The following COL24A1 variants were observed in gnomAD, a reference collection of about 807,000 sequenced individuals.
COL24A1 encodes collagen alpha-1(XXIV) chain.
COL24A1 carries 224 observed loss-of-function variants against 253.9 expected under a neutral mutation model. That is an observed-to-expected ratio of 0.88 (90% CI 0.79 to 0.99). COL24A1 has a LOEUF of 0.99. COL24A1 is among the 50% of genes least tolerant of loss of function. The pLI is 0.00. For synonymous variants in COL24A1, 685 were observed against 673.7 expected (o/e 1.02, Z -0.26); for missense variants, 2,131 against 2,068.5 (o/e 1.03, Z -0.59).
At chr1:85,762,192 A>G (rs551649588) in intron 53 of COL24A1, among the ~76,000 whole-genome samples, 3 of 152,336 alleles carry the variant, frequency 2.0e-5, no homozygotes, top group East Asian at 1.9e-4. Context: ...AAAGTAACTT[A>G]GATGTTCAGC....
rs190053713 is a variant in COL24A1 at position 85,812,355 on chromosome 1, A to G, written c.3951+4433T>C. On this transcript the variant is annotated intron_variant, in intron 47 of 59. Coordinates refer to ENST00000370571, the MANE Select transcript of COL24A1 (RefSeq NM_152890.7). ...CCCTTTACCAGTTAATGGAGGAGGA[A>G]AAACCTCAGGCCTGATTTTTGGATA... 2.9e-3 allele frequency among the ~76,000 whole-genome samples: 444 copies of G among 152,338 alleles called. 2 individuals carry two copies. The highest frequency in any genetic ancestry group is 4.1e-3 in the Non-Finnish European group (277 of 68,026).
chr1:85,746,246 C>T (rs1665202507), intron 55 of COL24A1, among the ~76,000 whole-genome samples: 1 of 152,092 alleles, frequency 6.6e-6, no homozygotes, highest in Non-Finnish European at 1.5e-5. Context: ...CATCTTTTTA[C>T]TTGAAGGCTG....
rs149874723 is a variant in COL24A1 at position 86,024,314 on chromosome 1, G to A, written c.2050-1307C>T. On this transcript the variant is annotated intron_variant, in intron 14 of 59. Transcript: ENST00000370571. ...CCTAGTCTGTGCATTTTGTGACAGC[G>A]GAAACACGTTTCATTCATTTTTTTT... Among the ~76,000 whole-genome samples, 155 of 151,984 alleles carry A rather than the reference G, an allele frequency of 1.0e-3. 1 individual carries two copies. Among genetic ancestry groups the A allele is most frequent in the African/African-American group, 3.6e-3 (149 of 41,462 alleles).
chr1:85,886,134 C>T (rs1682471415), intron 32 of COL24A1, among the ~76,000 whole-genome samples: 1 of 151,690 alleles, frequency 6.6e-6, no homozygotes, highest in African/African-American at 2.4e-5. Context: ...GCGATCTTGG[C>T]TTGCCTCCTG....
At chr1:85,908,323 A>C (rs1685036920) in intron 27 of COL24A1, among the ~76,000 whole-genome samples, 1 of 151,718 alleles carries the variant, frequency 6.6e-6, no homozygotes, top group Non-Finnish European at 1.5e-5. Flanking sequence ...AATCTTAATA[A>C]TCCTGTTTCC....
chr1:85,890,409 TTTC>T (rs1682991276), intron 31 of COL24A1, among the ~76,000 whole-genome samples: 1 of 46,034 alleles, frequency 2.2e-5, no homozygotes, highest in African/African-American at 1.0e-4. Flanking sequence ...CCACACAAAT[TTTC>T]TTTTTTTTTT....
In COL24A1 at chr1:86,156,338, T is replaced by TA. The variant is rs1653611226; in HGVS notation, c.56+2dup. 4 of 1,612,704 alleles carry TA rather than the reference T, an allele frequency of 2.5e-6. No homozygotes were observed. Among genetic ancestry groups the TA allele is most frequent in the African/African-American group, 1.3e-5 (1 of 74,948 alleles). ...TACCCTACCCGGCGGGTGGGCTACT[T>TA]ACGTTTTTGCCGTGGGGGAGACTTT... On this transcript the variant is annotated splice_region_variant and intron_variant, in intron 1 of 59. Coordinates refer to ENST00000370571, the MANE Select transcript of COL24A1 (RefSeq NM_152890.7).
chr1:85,993,411 CA>C (rs1694477279), intron 19 of COL24A1, among the ~76,000 whole-genome samples: 1 of 148,758 alleles, frequency 6.7e-6, no homozygotes. Flanking sequence ...AGACGAATCT[CA>C]AATGTCTTAT....
At chr1:85,829,082 T>C (rs948031221) in intron 43 of COL24A1, among the ~76,000 whole-genome samples, 8 of 151,894 alleles carry the variant, frequency 5.3e-5, no homozygotes, top group South Asian at 4.2e-4. Context: ...TTTCCATGTT[T>C]AGCGCTTCCT....
intron 24 of COL24A1, among the ~76,000 whole-genome samples, chr1:85,926,574 A>G (rs1310697214): frequency 6.6e-6 from 1 of 152,040 alleles, no homozygotes; most frequent in East Asian, 1.9e-4. Context: ...AGGACATAAG[A>G]CCAAACACTG....
chr1:85,885,390 T>C (rs1257159325), intron 32 of COL24A1, among the ~76,000 whole-genome samples: 2 of 90,906 alleles, frequency 2.2e-5, no homozygotes, highest in East Asian at 3.5e-4. Flanking sequence ...TATATATATA[T>C]ATATATATTT....
At chr1:86,016,665 T>C (rs191373020) in intron 19 of COL24A1, among the ~76,000 whole-genome samples, 114 of 152,326 alleles carry the variant, frequency 7.5e-4, no homozygotes, top group African/African-American at 2.7e-3. Flanking sequence ...ATATAGACTT[T>C]TAGAAAAGAA....
rs543784282 is a variant in COL24A1 at position 85,782,649 on chromosome 1, C to T, written c.4284+847G>A. 5.3e-5 allele frequency among the ~76,000 whole-genome samples: 8 copies of T among 152,210 alleles called. No individual in the cohort carries two copies. The South Asian group carries it at 8.3e-4, about 16-fold the overall frequency. On this transcript the variant is annotated intron_variant, in intron 51 of 59. Transcript: ENST00000370571. ...CAATTTATTGTAAGAGTTAGGAAAGCGGTATAGGATTTTAGAAGTTTGACT... is the reference window on the plus strand; with the variant it reads ...CAATTTATTGTAAGAGTTAGGAAAGTGGTATAGGATTTTAGAAGTTTGACT...
At chr1:85,960,911 A>AAAT (rs2100672437) in intron 24 of COL24A1, 1 of 175,976 alleles carries the variant, frequency 5.7e-6, no homozygotes, top group East Asian at 1.6e-4. Flanking sequence ...ATAAATAAAT[A>AAAT]AATAAATAAA....
chr1:86,106,152 A>G (rs558002654), intron 5 of COL24A1, among the ~76,000 whole-genome samples: 18 of 152,178 alleles, frequency 1.2e-4, no homozygotes, highest in Non-Finnish European at 2.1e-4. Flanking sequence ...GTGGGTAAGC[A>G]TCTATACTTA....
chr1:85,860,181 T>C lies in COL24A1; in HGVS notation c.3300+8338A>G, dbSNP rs573862275. ...ATTTACATATGTGATAGTTACATGA[T>C]ACTATATACTCATACATGATATCCA... On this transcript the variant is annotated intron_variant, in intron 37 of 59. Transcript: ENST00000370571. Among the ~76,000 whole-genome samples, 8 of 152,344 alleles carry C rather than the reference T, an allele frequency of 5.3e-5. No homozygotes were observed. In the East Asian group the frequency reaches 5.8e-4, roughly 11 times the overall value.
In COL24A1 at chr1:85,895,300, C is replaced by T. The variant is rs374583275; in HGVS notation, c.2922+558G>A. ...TTATAAAATATTAACAACTCTTAAG[C>T]AGTGCCATGGGAAGGCATGAAGACA... On this transcript the variant is annotated intron_variant, in intron 31 of 59. Transcript: ENST00000370571. 2.1e-3 allele frequency among the ~76,000 whole-genome samples: 327 copies of T among 152,158 alleles called. 10 individuals are homozygous for T. In the South Asian group the frequency reaches 0.052, roughly 24 times the overall value.
chr1:86,081,344 G>T (rs1237867758), intron 7 of COL24A1, among the ~76,000 whole-genome samples: 2 of 151,388 alleles, frequency 1.3e-5, no homozygotes, highest in Non-Finnish European at 1.5e-5. Flanking sequence ...ACTTCCTCTG[G>T]AACATCCTTG....
intron 24 of COL24A1, among the ~76,000 whole-genome samples, chr1:85,925,363 A>T (rs1319498564): frequency 6.6e-6 from 1 of 152,222 alleles, no homozygotes; most frequent in African/African-American, 2.4e-5. Context: ...CCGCATTGCC[A>T]AGTCAATCCT....
Sources: allele counts gnomAD v4.1 joint callset (sites outside exome capture counted in the v4.1 genomes callset), GRCh38; gene constraint gnomAD v4.1.1; transcripts MANE v1.5; gene names NCBI Gene and HGNC (gene_info 2026-07-23, HGNC 2026-07-21).